KCNIP1: variants seen among roughly 807,000 people sequenced by gnomAD.
The protein encoded by KCNIP1 is potassium voltage-gated channel interacting protein 1, also known as A-type potassium channel modulatory protein KCNIP1.
In KCNIP1, 18 loss-of-function variants were observed where a neutral mutation model predicts 33.0. The ratio of observed to expected loss-of-function variants is 0.55; its 90% CI spans 0.38 to 0.81. KCNIP1 has a LOEUF of 0.81. Among genes scored for constraint, KCNIP1 ranks in the 30% least tolerant of loss-of-function variants. KCNIP1 has a pLI of 0.00. For synonymous variants in KCNIP1, 93 were observed against 98.3 expected (o/e 0.95, Z 0.32); for missense variants, 238 against 271.6 (o/e 0.88, Z 0.87).
intron 5 of KCNIP1, among the ~76,000 whole-genome samples, chr5:170,724,555 T>C (rs1038427682): frequency 6.6e-6 from 1 of 152,214 alleles, no homozygotes; most frequent in African/African-American, 2.4e-5. Context: ...TAACACTGTC[T>C]TTATTTGTAC....
At chr5:170,412,385 G>C (rs372781297) in intron 1 of KCNIP1, among the ~76,000 whole-genome samples, 16 of 152,318 alleles carry the variant, frequency 1.1e-4, no homozygotes, top group Middle Eastern at 3.4e-3. Context: ...CCTGCAGGCA[G>C]GAGGCAGCCA....
intron 1 of KCNIP1, among the ~76,000 whole-genome samples, chr5:170,414,887 A>G (rs1008732472): frequency 6.6e-6 from 1 of 152,120 alleles, no homozygotes; most frequent in African/African-American, 2.4e-5. Flanking sequence ...TCTTGTTTCT[A>G]TGTGTGATGC....
intron 1 of KCNIP1, among the ~76,000 whole-genome samples, chr5:170,694,127 C>T (rs1457312706): frequency 1.3e-5 from 2 of 152,182 alleles, no homozygotes; most frequent in Non-Finnish European, 2.9e-5. Context: ...CACTGGAAAC[C>T]TTGCCTCACC....
chr5:170,721,996 CA>C (rs770712338), intron 4 of KCNIP1, 93 bp downstream of exon 4: 101 of 1,405,048 alleles, frequency 7.2e-5, no homozygotes, highest in Middle Eastern at 1.9e-4. Context: ...TCTGGACCAT[CA>C]AAAGCTCTCA....
chr5:170,582,550 A>G (rs1453815681), intron 1 of KCNIP1, among the ~76,000 whole-genome samples: 4 of 152,254 alleles, frequency 2.6e-5, no homozygotes, highest in Non-Finnish European at 5.9e-5. Context: ...GGCCACCCAT[A>G]AATGTGCTGC....
chr5:170,358,503 G>A (rs1045170313), intron 1 of KCNIP1, among the ~76,000 whole-genome samples: 1 of 152,200 alleles, frequency 6.6e-6, no homozygotes, highest in Admixed American at 6.5e-5. Flanking sequence ...CCAGGCTGGA[G>A]TACCAACTCT....
chr5:170,501,410 T>C (rs765689403), upstream of KCNIP1, among the ~76,000 whole-genome samples: 1 of 152,116 alleles, frequency 6.6e-6, no homozygotes, highest in African/African-American at 2.4e-5. Flanking sequence ...CAGGGAGGAT[T>C]TGTAGAAGAA....
intron 1 of KCNIP1, among the ~76,000 whole-genome samples, chr5:170,424,068 A>C (rs1440560228): frequency 6.6e-6 from 1 of 152,232 alleles, no homozygotes; most frequent in Non-Finnish European, 1.5e-5. Flanking sequence ...GCTGGACATA[A>C]ATCATTCATC....
chr5:170,690,672 T>C (rs1762690653), intron 1 of KCNIP1, among the ~76,000 whole-genome samples: 2 of 152,186 alleles, frequency 1.3e-5, no homozygotes, highest in African/African-American at 2.4e-5. Flanking sequence ...TCAGTAGACA[T>C]AGACTAAGCC....
intron 1 of KCNIP1, among the ~76,000 whole-genome samples, chr5:170,379,785 CA>C (rs1363148189): frequency 6.6e-6 from 1 of 151,886 alleles, no homozygotes; most frequent in East Asian, 1.9e-4. Flanking sequence ...TTTATCTCTA[CA>C]AAAAAAGTTA....
intron 3 of KCNIP1, among the ~76,000 whole-genome samples, chr5:170,720,622 C>G (rs1318689095): frequency 6.6e-6 from 1 of 152,188 alleles, no homozygotes; most frequent in Non-Finnish European, 1.5e-5. Flanking sequence ...TGCAACATCA[C>G]AACGTCTCAG....
At chr5:170,546,273 GC>G (rs1756404758) in intron 1 of KCNIP1, among the ~76,000 whole-genome samples, 1 of 152,150 alleles carries the variant, frequency 6.6e-6, no homozygotes, top group African/African-American at 2.4e-5. Context: ...TTTATGTCAG[GC>G]CCTTTCTCTC....
At chr5:170,682,928 C>T (rs1762408340) in intron 1 of KCNIP1, among the ~76,000 whole-genome samples, 1 of 151,818 alleles carries the variant, frequency 6.6e-6, no homozygotes, top group African/African-American at 2.4e-5. Flanking sequence ...CGCATCTGGC[C>T]AAGCTTCCTA....
chr5:170,691,102 C>A (rs1331888726), intron 1 of KCNIP1, among the ~76,000 whole-genome samples: 1 of 152,224 alleles, frequency 6.6e-6, no homozygotes, highest in Non-Finnish European at 1.5e-5. Flanking sequence ...AAGGCTACAG[C>A]ATTTCTCTAT....
At chr5:170,416,719 AG>A (rs1755341452) in intron 1 of KCNIP1, among the ~76,000 whole-genome samples, 1 of 149,848 alleles carries the variant, frequency 6.7e-6, no homozygotes, top group Non-Finnish European at 1.5e-5. Flanking sequence ...AAAAAAAAAA[AG>A]TGCAGCTCAC....
At chr5:170,586,531 T>A (rs774509135) in intron 1 of KCNIP1, among the ~76,000 whole-genome samples, 1 of 151,878 alleles carries the variant, frequency 6.6e-6, no homozygotes, top group Non-Finnish European at 1.5e-5. Flanking sequence ...AACAGGAAAC[T>A]CACACACCCT....
intron 1 of KCNIP1, chr5:170,484,237 T>C (rs1444015373): frequency 6.6e-6 from 1 of 152,286 alleles, no homozygotes; most frequent in African/African-American, 2.4e-5. Context: ...ACTCCTAACG[T>C]GCATTCTGCC....
intron 1 of KCNIP1, among the ~76,000 whole-genome samples, chr5:170,707,482 A>G (rs1259750297): frequency 1.3e-5 from 2 of 152,240 alleles, no homozygotes; most frequent in African/African-American, 4.8e-5. Context: ...TGAATGTAAC[A>G]CTGTCACACA....
intron 1 of KCNIP1, chr5:170,669,693 C>G: frequency 1.0e-6 from 1 of 973,502 alleles, no homozygotes; most frequent in Non-Finnish European, 1.2e-6. Flanking sequence ...AAAGTCTCAG[C>G]ACAGTGTTAA....
Sources: allele counts gnomAD v4.1 joint callset (sites outside exome capture counted in the v4.1 genomes callset), GRCh38; gene constraint gnomAD v4.1.1; transcripts MANE v1.5; gene names NCBI Gene and HGNC (gene_info 2026-07-23, HGNC 2026-07-21).